Variants in ABCC11 observed in about 807,000 individuals in gnomAD.
The protein encoded by ABCC11 is ATP-binding cassette sub-family C member 11.
In ABCC11, 135 loss-of-function variants were observed where a neutral mutation model predicts 149.3. That is an observed-to-expected ratio of 0.90 (90% confidence interval 0.79 to 1.04). The LOEUF is 1.04. ABCC11 is among the 50% of genes least tolerant of loss of function. The probability of loss-of-function intolerance (pLI) is 0.00; values close to 1 mark genes in which losing one functional copy is unlikely to be tolerated. For missense variants in ABCC11, 1,680 were observed against 1,722.1 expected, an observed-to-expected ratio of 0.98 and a Z score of 0.43; for synonymous variants, 665 against 671.4, an observed-to-expected ratio of 0.99 and a Z score of 0.15.
chr16:48,169,957 C>CTGTTGTTGT (rs760834616), intron 28 of ABCC11, 148 bp downstream of exon 28: 4 of 570,834 alleles, frequency 7.0e-6, no homozygotes, highest in East Asian at 5.5e-5. Flanking sequence ...GATTCTGTTG[C>CTGTTGTTGT]TGTTGTTGTT....
At position 48,206,554 on chromosome 16, in the gene ABCC11, T is replaced by G. The variant is rs143054735; in HGVS notation, c.1681-1017A>C. 1.4e-4 allele frequency among the ~76,000 whole-genome samples: 22 copies of G among 152,358 alleles called. No homozygotes were observed. In the East Asian group the frequency reaches 4.2e-3, roughly 29 times the overall value. On this transcript the variant is annotated intron_variant, in intron 12 of 29. Coordinates refer to ENST00000356608, the MANE Select transcript of ABCC11 (RefSeq NM_001370497.1). ...CTCTTTTATACCCTAAAATGTTTAC[T>G]TCTAGTTTGGAGCCAAGCTTTAATG...
chr16:48,203,201 G>C (rs1162728838), intron 14 of ABCC11, 27 bp downstream of exon 14: 1 of 1,546,416 alleles, frequency 6.5e-7, no homozygotes, highest in Non-Finnish European at 8.8e-7. Flanking sequence ...ACATTACACA[G>C]AGAAGGCAGG....
chr16:48,220,393 G>A (rs138277351), intron 6 of ABCC11, among the ~76,000 whole-genome samples: 41 of 152,338 alleles, frequency 2.7e-4, no homozygotes, highest in Non-Finnish European at 5.1e-4. Context: ...CTGACCAAGC[G>A]AATGTAAGTA....
intron 24 of ABCC11, among the ~76,000 whole-genome samples, chr16:48,178,213 A>T (rs958046771): frequency 9.9e-5 from 15 of 152,228 alleles, no homozygotes; most frequent in African/African-American, 3.6e-4. Flanking sequence ...TCAAATGGTA[A>T]AGCTTAGACT....
Position 48,192,538 on chromosome 16 carries a change from G to T in ABCC11, c.2688C>A (p.His896Gln), listed in dbSNP as rs779122178. ...CCCATACCTTGTTGAAGAGCTTGTT[G>T]TGCAGGGCCGTGGATGCCTTCCTCG... ...KVTRKASTAL[H>Q]NKLFNKVFRC... Residue 896 changes from histidine (H) to glutamine (Q), a missense_variant, in exon 20 of 30, where the codon CAC becomes CAA. His to Gln is a conservative substitution (Grantham distance 24). Transcript: ENST00000356608. The T allele has an allele frequency of 2.4e-5, 39 of 1,614,234 alleles. No homozygotes were observed. The highest frequency in any genetic ancestry group is 3.2e-5 in the Non-Finnish European group (38 of 1,180,020).
chr16:48,196,443 G>A lies in ABCC11; in HGVS notation c.2315-122C>T, dbSNP rs1191530884. 4.5e-6 allele frequency: 4 copies of A among 885,914 alleles called. No homozygotes were observed. The African/African-American group carries it at 6.7e-5, about 15-fold the overall frequency. The allele number at this position is 885,914 out of a possible 1,614,324, so 54.9% of individuals were successfully genotyped here. ...TTTCCAGCTTCAGTGCCCCACCTAT[G>A]TCTAAGGTTTTTCATGGAAGACTCT... On this transcript the variant is annotated intron_variant, in intron 17 of 29. Coordinates refer to ENST00000356608, the MANE Select transcript of ABCC11 (RefSeq NM_001370497.1).
intron 4 of ABCC11, among the ~76,000 whole-genome samples, chr16:48,224,812 C>G (rs60347205): frequency 6.6e-6 from 1 of 152,172 alleles, no homozygotes; most frequent in African/African-American, 2.4e-5. Context: ...CACTTGAGGT[C>G]AGGGGTTCGA....
chr16:48,205,469 G>A lies in ABCC11; in HGVS notation c.1749C>T (p.Ile583=), dbSNP rs551691924. The change falls in exon 13 of 30, where the codon ATC becomes ATT. Residue 583 remains isoleucine (I), a synonymous_variant. Transcript: ENST00000356608. ...SLAYVPQQAW[I]VSGNIRENIL... ...TGTTCTCCCTGATGTTCCCGCTGAC[G>A]ATCCAGGCCTGCTGGGGGACATAGG... The A allele has an allele frequency of 1.8e-5, 29 of 1,613,976 alleles. No individual in the cohort carries two copies. Among genetic ancestry groups the A allele is most frequent in the Non-Finnish European group, 2.4e-5 (28 of 1,180,020 alleles).
At chr16:48,209,258 G>T (rs1230240744) in intron 11 of ABCC11, 1 of 152,250 alleles carries the variant, frequency 6.6e-6, no homozygotes, top group Admixed American at 6.5e-5. Flanking sequence ...TCACTGAAGG[G>T]TTTAAGGAGA....
chr16:48,195,878 G>T (rs7191844), intron 18 of ABCC11, among the ~76,000 whole-genome samples: 1 of 152,056 alleles, frequency 6.6e-6, no homozygotes, highest in African/African-American at 2.4e-5. Context: ...GAAATAATGA[G>T]GCAGGGGCAC....
At chr16:48,203,399 A>G in intron 13 of ABCC11, 99 bp from the exon 14 acceptor site, 3 of 1,123,512 alleles carry the variant, frequency 2.7e-6, no homozygotes, top group Non-Finnish European at 1.3e-6. Context: ...CATGCTAAGA[A>G]ATTTAGACTT....
At chr16:48,207,998 C>A (rs901043499) in intron 12 of ABCC11, among the ~76,000 whole-genome samples, 9 of 152,148 alleles carry the variant, frequency 5.9e-5, no homozygotes, top group African/African-American at 2.2e-4. Context: ...ACATCCCACT[C>A]CTCAATGTTA....
chr16:48,206,666 C>G (rs1183160112), intron 12 of ABCC11, among the ~76,000 whole-genome samples: 1 of 152,210 alleles, frequency 6.6e-6, no homozygotes, highest in Admixed American at 6.5e-5. Context: ...AACTGACAAA[C>G]CACTGGGCAC....
chr16:48,235,531 G>A (rs148037606), intron 1 of ABCC11, among the ~76,000 whole-genome samples: 8 of 152,278 alleles, frequency 5.3e-5, no homozygotes, highest in Non-Finnish European at 1.2e-4. Flanking sequence ...CCAAGCAAAC[G>A]AGCTCGAGCT....
At chr16:48,214,306 G>A (rs1969162422) in intron 9 of ABCC11, among the ~76,000 whole-genome samples, 2 of 152,046 alleles carry the variant, frequency 1.3e-5, no homozygotes. Flanking sequence ...CCTGAGCCAA[G>A]CAGAGGGGCC....
At chr16:48,171,032 G>A in intron 26 of ABCC11, 65 bp from the exon 27 acceptor site, 2 of 1,338,700 alleles carry the variant, frequency 1.5e-6, no homozygotes. Flanking sequence ...TCATTTATAT[G>A]CCCAGTGAAT....
chr16:48,236,086 C>T (rs1439209617), intron 1 of ABCC11, among the ~76,000 whole-genome samples: 1 of 152,182 alleles, frequency 6.6e-6, no homozygotes, highest in South Asian at 2.1e-4. Flanking sequence ...AGATCTTACT[C>T]CTCCTGTACC....
intron 2 of ABCC11, among the ~76,000 whole-genome samples, chr16:48,231,190 CTTATTA>C (rs148995256): frequency 6.6e-6 from 1 of 151,098 alleles, no homozygotes; most frequent in Non-Finnish European, 1.5e-5. Context: ...TTTGCAGATG[CTTATTA>C]TTATTATTAT....
intron 4 of ABCC11, among the ~76,000 whole-genome samples, chr16:48,225,483 C>T (rs1052960248): frequency 6.6e-6 from 1 of 152,220 alleles, no homozygotes; most frequent in African/African-American, 2.4e-5. Flanking sequence ...ATCTCCCACA[C>T]TCTGAACTGG....
Sources: gnomAD v4.1 joint callset for allele counts (sites outside exome capture counted in the v4.1 genomes callset) on GRCh38, gnomAD v4.1.1 for gene constraint, MANE v1.5 for transcripts, NCBI Gene and HGNC (gene_info 2026-07-23, HGNC 2026-07-21) for gene names.